CASD1: variants seen among roughly 807,000 people sequenced by gnomAD.
The protein encoded by CASD1 is CAS1 domain sialic acid O acetyltransferase 1.
Under a neutral mutation model 100.0 loss-of-function variants are expected in CASD1, and 41 were observed. The ratio of observed to expected loss-of-function variants is 0.41; its 90% CI spans 0.32 to 0.53. CASD1 has a LOEUF of 0.53. Ranked by LOEUF, CASD1 falls within the 20% of genes least tolerant of loss-of-function variation. The pLI, the probability that CASD1 is intolerant of heterozygous loss-of-function variation, is 0.25. For missense variants in CASD1, 774 were observed against 948.7 expected (o/e 0.82, Z 2.42); for synonymous variants, 321 against 315.6 (o/e 1.02, Z -0.18).
downstream of CASD1, among the ~76,000 whole-genome samples, chr7:94,560,808 G>T (rs904221816): frequency 6.6e-6 from 1 of 152,004 alleles, no homozygotes; most frequent in African/African-American, 2.4e-5. Context: ...TATACCAAAA[G>T]AAATATAAAA....
At chr7:94,561,750 G>A (rs1171505398), downstream of CASD1, among the ~76,000 whole-genome samples, 4 of 152,058 alleles carry the variant, frequency 2.6e-5, no homozygotes. Flanking sequence ...ACCCTAGGGT[G>A]GCTGAACTCC....
intron 13 of CASD1, 64 bp from the exon 14 acceptor site, chr7:94,549,469 T>C: frequency 8.8e-7 from 1 of 1,131,020 alleles, no homozygotes; most frequent in Admixed American, 2.2e-5. Context: ...TAATCTGTAA[T>C]AGAATTGCAA....
At chr7:94,629,417 A>G in the CASD1 span, 1 of 291,792 alleles carries the variant, frequency 3.4e-6, no homozygotes, top group South Asian at 3.6e-5. Context: ...GTCTTAATAT[A>G]GAAAATCATA....
chr7:94,603,443 G>T, the CASD1 span: 1 of 1,612,940 alleles, frequency 6.2e-7, no homozygotes, highest in South Asian at 1.1e-5. Flanking sequence ...CACCAACCAT[G>T]ACATAAACGC....
intron 5 of CASD1, among the ~76,000 whole-genome samples, chr7:94,532,836 G>A (rs1202369780): frequency 1.3e-5 from 2 of 152,062 alleles, no homozygotes; most frequent in Admixed American, 6.6e-5. Flanking sequence ...TACCCTGTAG[G>A]CTTCCATGAT....
the CASD1 span, chr7:94,597,748 C>G: frequency 7.9e-5 from 12 of 152,298 alleles, no homozygotes; most frequent in Admixed American, 4.6e-4. Flanking sequence ...GTGGCTCACA[C>G]CTGTAATCCC....
At chr7:94,531,261 T>C (rs1794836988) in intron 5 of CASD1, among the ~76,000 whole-genome samples, 1 of 151,996 alleles carries the variant, frequency 6.6e-6, no homozygotes, top group African/African-American at 2.4e-5. Context: ...GGATCATAGC[T>C]CCAGAAGTGA....
downstream of CASD1, among the ~76,000 whole-genome samples, chr7:94,558,990 G>A (rs548156983): frequency 6.6e-6 from 1 of 152,084 alleles, no homozygotes; most frequent in South Asian, 2.1e-4. Flanking sequence ...AGTAGAGTTG[G>A]GGTTTCACCC....
chr7:94,580,249 T>C, the CASD1 span, among the ~76,000 whole-genome samples: 5 of 152,208 alleles, frequency 3.3e-5, no homozygotes, highest in Non-Finnish European at 7.3e-5. Flanking sequence ...CTTCAGACTT[T>C]ATTTTTCTCC....
chr7:94,607,606 GA>G, the CASD1 span, among the ~76,000 whole-genome samples: 19 of 149,442 alleles, frequency 1.3e-4, no homozygotes, highest in East Asian at 9.7e-4. Flanking sequence ...GGCAATTTGT[GA>G]AAAAAAAAAT....
the CASD1 span, chr7:94,621,081 G>A: frequency 6.6e-6 from 1 of 152,254 alleles, no homozygotes; most frequent in African/African-American, 2.4e-5. Flanking sequence ...AGATCTCTCA[G>A]AACAGGAGAC....
chr7:94,529,301 G>A (rs1794734368), intron 5 of CASD1, among the ~76,000 whole-genome samples: 1 of 152,112 alleles, frequency 6.6e-6, no homozygotes, highest in African/African-American at 2.4e-5. Context: ...ACTACAATTT[G>A]TAAATCCTGC....
chr7:94,516,237 C>T (rs1184020183), intron 1 of CASD1, among the ~76,000 whole-genome samples: 1 of 151,916 alleles, frequency 6.6e-6, no homozygotes, highest in Non-Finnish European at 1.5e-5. Flanking sequence ...AGTTTCCCAT[C>T]AATAAGATAA....
intron 5 of CASD1, among the ~76,000 whole-genome samples, chr7:94,528,724 G>A (rs1362134400): frequency 6.6e-6 from 1 of 152,044 alleles, no homozygotes; most frequent in African/African-American, 2.4e-5. Flanking sequence ...GATGTTTGGA[G>A]ATAAATTAGA....
chr7:94,525,246 T>A (rs1183330359), intron 3 of CASD1, among the ~76,000 whole-genome samples: 1 of 152,180 alleles, frequency 6.6e-6, no homozygotes, highest in Non-Finnish European at 1.5e-5. Context: ...ATTTTTAAAA[T>A]TGAAAGTTGG....
chr7:94,536,498 GTTC>G (rs1026646555), intron 8 of CASD1, among the ~76,000 whole-genome samples: 3 of 152,088 alleles, frequency 2.0e-5, no homozygotes, highest in African/African-American at 7.2e-5. Flanking sequence ...CAATGGTTTT[GTTC>G]TTCTCCTGCA....
intron 7 of CASD1, among the ~76,000 whole-genome samples, chr7:94,534,451 A>G (rs1795018360): frequency 6.6e-6 from 1 of 152,144 alleles, no homozygotes; most frequent in African/African-American, 2.4e-5. Context: ...AAGTAAATAT[A>G]CTTTTTTAGC....
chr7:94,578,995 T>A, the CASD1 span, among the ~76,000 whole-genome samples: 6 of 152,124 alleles, frequency 3.9e-5, no homozygotes, highest in Admixed American at 1.3e-4. Context: ...TTAACCTTCA[T>A]AACTTTTATA....
At chr7:94,549,829 T>C (rs959171444) in intron 14 of CASD1, among the ~76,000 whole-genome samples, 195 bp downstream of exon 14, 1 of 152,076 alleles carries the variant, frequency 6.6e-6, no homozygotes, top group African/African-American at 2.4e-5. Context: ...TGTATATATA[T>C]ATCTGCTGGG....
Sources: allele counts gnomAD v4.1 joint callset (sites outside exome capture counted in the v4.1 genomes callset), GRCh38; gene constraint gnomAD v4.1.1; transcripts MANE v1.5; gene names NCBI Gene and HGNC (gene_info 2026-07-23, HGNC 2026-07-21).